Variants in NSD2 observed in about 807,000 individuals in gnomAD.
NSD2 encodes nuclear receptor binding SET domain protein 2.
NSD2 carries 12 observed loss-of-function variants against 139.0 expected under a neutral mutation model. The observed-to-expected ratio is 0.09, with a 90% CI of 0.06 to 0.14. The LOEUF (loss-of-function observed/expected upper bound fraction) is 0.14. Ranked by LOEUF, NSD2 falls within the 10% of genes least tolerant of loss-of-function variation. The pLI is 1.00. For missense variants in NSD2, 1,155 were observed against 1,745.0 expected (o/e 0.66, Z 6.02); for synonymous variants, 669 against 648.7 (o/e 1.03, Z -0.48).
chr4:1,935,729 C>T (rs186377303), intron 7 of NSD2, among the ~76,000 whole-genome samples: 378 of 152,118 alleles, frequency 2.5e-3, no homozygotes, highest in African/African-American at 8.8e-3. Context: ...GGCATGGTGG[C>T]GTGCACCTGT....
chr4:1,921,308 A>G (rs1215173513), intron 5 of NSD2, among the ~76,000 whole-genome samples: 1 of 150,882 alleles, frequency 6.6e-6, no homozygotes, highest in Non-Finnish European at 1.5e-5. Flanking sequence ...AATTATAAAA[A>G]ATAAGCTGGG....
rs1727719163 is a variant in NSD2, at chr4:1,981,138, A to G, written c.*2229A>G. The G allele has an allele frequency of 4.3e-6, 1 of 233,214 alleles. No homozygotes were observed. Among genetic ancestry groups the G allele is most frequent in the Admixed American group, 5.6e-5 (1 of 17,786 alleles). The allele number at this position is 233,214 out of a possible 1,614,324, so 14.4% of individuals were successfully genotyped here. ...TGTGATTTTTAATCGCTTTGATAAT[A>G]CTTCCAAATTTTATGATTTTTCTGA... On this transcript the variant is annotated 3_prime_UTR_variant, in exon 22 of 22. Transcript: ENST00000508803.
intron 18 of NSD2, among the ~76,000 whole-genome samples, chr4:1,963,751 C>T (rs1202203775): frequency 3.9e-5 from 6 of 152,218 alleles, no homozygotes; most frequent in Non-Finnish European, 5.9e-5. Flanking sequence ...CAGTGGCCCA[C>T]GCCTGTAATC....
intron 9 of NSD2, chr4:1,946,709 G>C: frequency 9.6e-7 from 1 of 1,043,170 alleles, no homozygotes; most frequent in Non-Finnish European, 1.2e-6. Context: ...ACCTGGCAGT[G>C]ATGTCAAATT....
intron 1 of NSD2, among the ~76,000 whole-genome samples, chr4:1,890,537 G>A (rs1310125786): frequency 1.3e-5 from 2 of 151,622 alleles, no homozygotes; most frequent in Non-Finnish European, 2.9e-5. Flanking sequence ...TCCTGACCTC[G>A]TGATCCGCCC....
At position 1,972,114 on chromosome 4, in the gene NSD2, C is replaced by G. The variant is rs1424277873; in HGVS notation, c.3373-2749C>G. Among the ~76,000 whole-genome samples, 1 of 152,216 alleles carries G rather than the reference C, an allele frequency of 6.6e-6. No homozygotes were observed. The highest frequency in any genetic ancestry group is 1.9e-4 in the East Asian group (1 of 5,202). On this transcript the variant is annotated intron_variant, in intron 18 of 21. Coordinates refer to ENST00000508803, the MANE Select transcript of NSD2 (RefSeq NM_001042424.3). This position sits in a 1 kb window ranked among gnomAD's most constrained non-coding sequence, Gnocchi z 4.0. ...TGTGACGGCTGTGTTTGGTGATGGC[C>G]TTATGTGAACTGTAGTGACAACAGT...
intron 3 of NSD2, among the ~76,000 whole-genome samples, chr4:1,907,981 T>C (rs1718162193): frequency 6.6e-6 from 1 of 152,152 alleles, no homozygotes; most frequent in Admixed American, 6.6e-5. Context: ...ACAAGGACAG[T>C]TTCCTTATTG....
At position 1,900,691 on chromosome 4, in the gene NSD2, CAG is replaced by C. The variant is rs1324457447; in HGVS notation, c.40_41del (p.Ser14CysfsTer42). On this transcript the variant is annotated frameshift_variant, in exon 2 of 22. Transcript: ENST00000508803. LOFTEE classifies it high-confidence loss of function. ...FSIKQSPLSV[Q>X]SVVKCIKMKQ... ...CATCAAGCAGAGTCCCCTTTCTGTT[CAG>C]AGTGTTGTAAAGTGCATAAAGATGA... 1.2e-6 allele frequency: 2 copies of C among 1,608,472 alleles called. No homozygotes were observed. Among genetic ancestry groups the C allele is most frequent in the Admixed American group, 3.4e-5 (2 of 59,232 alleles).
At position 1,875,366 on chromosome 4, in the gene NSD2, T is replaced by A. The variant is rs149952548; in HGVS notation, c.-30+3824T>A. 2.5e-3 allele frequency among the ~76,000 whole-genome samples: 373 copies of A among 150,252 alleles called. 1 individual carries two copies. Among genetic ancestry groups the A allele is most frequent in the Non-Finnish European group, 3.9e-3 (265 of 67,480 alleles). ...ATATGATCACGGCTCATTGCAGCCT[T>A]GATCACCTGGGCTCAATCGATCCTC... On this transcript the variant is annotated intron_variant, in intron 1 of 21. Coordinates refer to ENST00000508803, the MANE Select transcript of NSD2 (RefSeq NM_001042424.3).
At position 1,981,529 on chromosome 4, in the gene NSD2, C is replaced by A; in HGVS notation, c.*2620C>A. On this transcript the variant is annotated 3_prime_UTR_variant, in exon 22 of 22. Transcript: ENST00000508803. ...GCATCTGCACCTAAACCCATACCCA[C>A]CCGTGTGCGCCCACAGGGGGATGTG... is the stretch of plus-strand genomic sequence containing the variant. The A allele has an allele frequency of 3.5e-6, 1 of 284,124 alleles. No homozygotes were observed. Among genetic ancestry groups the A allele is most frequent in the Non-Finnish European group, 6.5e-6 (1 of 152,850 alleles). The allele number at this position is 284,124 out of a possible 1,614,324, so 17.6% of individuals were successfully genotyped here.
intron 5 of NSD2, among the ~76,000 whole-genome samples, chr4:1,925,385 CTTTCTTTTTTT>C (rs1274529484): frequency 1.2e-5 from 1 of 86,808 alleles, no homozygotes; most frequent in East Asian, 3.5e-4. Context: ...TTTTCTTTTT[CTTTCTTTTTTT>C]TTTTTTTTTT....
intron 9 of NSD2, chr4:1,947,685 C>T (rs917112913): frequency 1.6e-5 from 17 of 1,054,306 alleles, no homozygotes; most frequent in Middle Eastern, 4.3e-4. Context: ...CATTTGTAAA[C>T]GCAAACACTG....
chr4:1,956,222 A>G lies in NSD2; in HGVS notation c.2881+34A>G. On this transcript the variant is annotated intron_variant, in intron 15 of 21. Transcript: ENST00000508803. The surrounding 1 kb of genome is among the most constrained non-coding windows in gnomAD (Gnocchi z 5.3). ...ATATTCAGATAGAGAGTGAGACAGC[A>G]CTCTCGTGCATTTTCTTACCCCTAA... 6.5e-7 allele frequency: 1 copy of G among 1,527,482 alleles called. No individual in the cohort carries two copies. The highest frequency in any genetic ancestry group is 8.8e-7 in the Non-Finnish European group (1 of 1,134,142). 94.6% of individuals were successfully genotyped at this position (1,527,482 alleles called of 1,614,324 possible).
At chr4:1,924,257 T>C (rs1720552004) in intron 5 of NSD2, among the ~76,000 whole-genome samples, 2 of 152,112 alleles carry the variant, frequency 1.3e-5, no homozygotes, top group Non-Finnish European at 2.9e-5. Context: ...GAGGGTGCAG[T>C]GGCAAGCTCT....
chr4:1,906,255 T>G (rs994773140), intron 3 of NSD2, among the ~76,000 whole-genome samples: 3 of 152,186 alleles, frequency 2.0e-5, no homozygotes, highest in African/African-American at 7.2e-5. Flanking sequence ...TTTCTTTTTT[T>G]GGGGATGGAG....
chr4:1,900,928 G>C lies in NSD2; in HGVS notation c.274G>C (p.Gly92Arg). 1.9e-6 allele frequency: 3 copies of C among 1,614,134 alleles called. No homozygotes were observed. The highest frequency in any genetic ancestry group is 2.5e-6 in the Non-Finnish European group (3 of 1,180,022). The part of the protein sequence containing the change: ...LTSRVFNGEP[G>R]AHDAKLRFES... Reference sequence around the variant, plus strand: ...TTCCCGGGTGTTTAATGGAGAACCCGGCGCACACGATGCCAAACTGCGTTT... The same window carrying C: ...TTCCCGGGTGTTTAATGGAGAACCCCGCGCACACGATGCCAAACTGCGTTT... The change falls in exon 2 of 22, where the codon GGC becomes CGC. Residue 92 changes from glycine (G) to arginine (R), a missense_variant. Gly to Arg is a moderately radical substitution (Grantham distance 125, BLOSUM62 -2). Coordinates refer to ENST00000508803, the MANE Select transcript of NSD2 (RefSeq NM_001042424.3).
chr4:1,946,890 T>C, intron 9 of NSD2: 4 of 1,059,396 alleles, frequency 3.8e-6, no homozygotes, highest in Non-Finnish European at 4.6e-6. Flanking sequence ...GGTTACGTGT[T>C]AGGTCCACAT....
At chr4:1,914,241 T>G (rs1044397000) in intron 3 of NSD2, among the ~76,000 whole-genome samples, 1 of 152,182 alleles carries the variant, frequency 6.6e-6, no homozygotes, top group Non-Finnish European at 1.5e-5. Flanking sequence ...CAGGCTGGTC[T>G]CGAACTTCTG....
intron 1 of NSD2, among the ~76,000 whole-genome samples, chr4:1,888,952 C>T (rs1202047740): frequency 4.0e-5 from 6 of 148,350 alleles, no homozygotes; most frequent in African/African-American, 1.5e-4. Context: ...GGGTGGAGTG[C>T]AGTGGCATGA....
Sources: allele counts gnomAD v4.1 joint callset (sites outside exome capture counted in the v4.1 genomes callset), GRCh38; gene constraint gnomAD v4.1.1; non-coding constraint Gnocchi (gnomAD v3.1); transcripts MANE v1.5; gene names NCBI Gene and HGNC (gene_info 2026-07-23, HGNC 2026-07-21).